ADAMTS17: variants seen among roughly 807,000 people sequenced by gnomAD.
The protein encoded by ADAMTS17 is ADAM metallopeptidase with thrombospondin type 1 motif 17.
Under a neutral mutation model 141.5 loss-of-function variants are expected in ADAMTS17, and 113 were observed. The observed-to-expected ratio is 0.80, with a 90% CI of 0.69 to 0.93. The LOEUF is 0.93. Ranked by LOEUF, ADAMTS17 falls within the 40% of genes least tolerant of loss-of-function variation. ADAMTS17 has a pLI of 0.00. For missense variants in ADAMTS17, 1,659 were observed against 1,517.9 expected (o/e 1.09, Z -1.54); for synonymous variants, 768 against 630.6 (o/e 1.22, Z -3.27).
chr15:100,037,373 T>G (rs1351166813), intron 18 of ADAMTS17, among the ~76,000 whole-genome samples: 1 of 152,214 alleles, frequency 6.6e-6, no homozygotes, highest in Non-Finnish European at 1.5e-5. Flanking sequence ...TGTCATCTTA[T>G]TATTGAGCTG....
chr15:100,079,001 A>C (rs1293894611), intron 15 of ADAMTS17, among the ~76,000 whole-genome samples: 1 of 152,254 alleles, frequency 6.6e-6, no homozygotes, highest in East Asian at 1.9e-4. Flanking sequence ...AGTGCAAACC[A>C]AAACCACAAG....
rs140587586 is a variant in ADAMTS17, at chr15:100,185,615, C to A, written c.1181+13703G>T. Among the ~76,000 whole-genome samples, 106 of 152,288 alleles carry A rather than the reference C, an allele frequency of 7.0e-4. 1 individual carries two copies. Among genetic ancestry groups the A allele is most frequent in the Non-Finnish European group, 1.0e-3 (70 of 68,030 alleles). ...TTCTAAAGAACTCTAATGTTAAGAA[C>A]CCTCTTCCACTAAGTTGCAACCTCT... is the stretch of plus-strand genomic sequence containing the variant. On this transcript the variant is annotated intron_variant, in intron 8 of 21. Coordinates refer to ENST00000268070, the MANE Select transcript of ADAMTS17 (RefSeq NM_139057.4).
intron 13 of ADAMTS17, 140 bp from the exon 14 acceptor site, chr15:100,109,256 C>A: frequency 9.7e-7 from 1 of 1,033,424 alleles, no homozygotes; most frequent in Non-Finnish European, 1.4e-6. Context: ...CTCAGGTACG[C>A]GCTCCAGGAA....
chr15:99,974,333 C>T lies in ADAMTS17; in HGVS notation c.*69G>A, dbSNP rs1339679814. 25 of 1,606,404 alleles carry T rather than the reference C, an allele frequency of 1.6e-5. No homozygotes were observed. Among genetic ancestry groups the T allele is most frequent in the Non-Finnish European group, 2.0e-5 (24 of 1,176,204 alleles). ...GCCGGGTGGGGGCGTGGCCACAAGG[C>T]TGGTAGGCTTGCGGGTGGGTGGGTT... On this transcript the variant is annotated 3_prime_UTR_variant, in exon 22 of 22. Transcript: ENST00000268070.
rs73484192 is a variant in ADAMTS17 at position 100,297,559 on chromosome 15, A to G, written c.617-16158T>C. ...TTTGGATAAAGAAGAGGCACCATCA[A>G]GGATAATTCCTCACTGACCTGGATG... On this transcript the variant is annotated intron_variant, in intron 3 of 21. Coordinates refer to ENST00000268070, the MANE Select transcript of ADAMTS17 (RefSeq NM_139057.4). 5.8e-3 allele frequency among the ~76,000 whole-genome samples: 887 copies of G among 152,338 alleles called. 8 individuals carry two copies. Among genetic ancestry groups the G allele is most frequent in the Middle Eastern group, 0.02 (6 of 294 alleles).
chr15:100,057,530 G>A (rs989562625), intron 15 of ADAMTS17, among the ~76,000 whole-genome samples: 1 of 152,134 alleles, frequency 6.6e-6, no homozygotes, highest in African/African-American at 2.4e-5. Flanking sequence ...CTGAGCTGGG[G>A]CCCCAGGCTC....
chr15:100,329,351 C>A (rs541022685), intron 3 of ADAMTS17, among the ~76,000 whole-genome samples: 2 of 152,160 alleles, frequency 1.3e-5, no homozygotes, highest in East Asian at 3.9e-4. Context: ...CCAGCCTGGG[C>A]AACACAGTGA....
intron 14 of ADAMTS17, among the ~76,000 whole-genome samples, chr15:100,108,617 G>C (rs2036552414): frequency 6.6e-6 from 1 of 152,226 alleles, no homozygotes. Context: ...ACCTGCACAG[G>C]CATTGGCTCA....
rs567494032 is a variant in ADAMTS17, at chr15:100,308,292, G to A, written c.616+22597C>T. Among the ~76,000 whole-genome samples the A allele has an allele frequency of 1.1e-4, 17 of 152,284 alleles. No homozygotes were observed. In the South Asian group the frequency reaches 3.5e-3, roughly 32 times the overall value. On this transcript the variant is annotated intron_variant, in intron 3 of 21. Coordinates refer to ENST00000268070, the MANE Select transcript of ADAMTS17 (RefSeq NM_139057.4). ...TGGCAGCCAGAAATTATGTTCAGTTGTCTGGAACACAGGCTGCTAGCGGCT... is the reference window on the plus strand; with the variant it reads ...TGGCAGCCAGAAATTATGTTCAGTTATCTGGAACACAGGCTGCTAGCGGCT...
intron 3 of ADAMTS17, among the ~76,000 whole-genome samples, chr15:100,315,172 C>T (rs1025978545): frequency 2.6e-5 from 4 of 152,286 alleles, no homozygotes; most frequent in South Asian, 2.1e-4. Flanking sequence ...AGGCAGGCAG[C>T]GTGGCAGGTG....
At chr15:100,221,608 G>A (rs1337197595) in intron 7 of ADAMTS17, among the ~76,000 whole-genome samples, 1 of 152,070 alleles carries the variant, frequency 6.6e-6, no homozygotes, top group Non-Finnish European at 1.5e-5. Context: ...TCTAAAATCA[G>A]CCATACGCCA....
At chr15:100,027,004 G>A (rs1221142270) in intron 18 of ADAMTS17, among the ~76,000 whole-genome samples, 3 of 152,242 alleles carry the variant, frequency 2.0e-5, no homozygotes, top group Non-Finnish European at 4.4e-5. Context: ...GGGTGTGTCA[G>A]TGGTATCACA....
intron 1 of ADAMTS17, 92 bp from the exon 2 acceptor site, chr15:100,341,501 C>G (rs1188193413): frequency 1.0e-6 from 1 of 990,170 alleles, no homozygotes; most frequent in Non-Finnish European, 1.2e-6. Flanking sequence ...GCGGGGACAG[C>G]GCGACCCGGA....
chr15:100,341,272 G>C lies in ADAMTS17; in HGVS notation c.217C>G (p.Arg73Gly). 2 of 1,256,528 alleles carry C rather than the reference G, an allele frequency of 1.6e-6. No individual in the cohort carries two copies. Among genetic ancestry groups the C allele is most frequent in the South Asian group, 4.9e-5 (2 of 41,070 alleles). 77.8% of individuals were successfully genotyped at this position (1,256,528 alleles called of 1,614,324 possible). A position where few individuals can be genotyped will look rare whatever the true frequency, so the allele number is the denominator to read the frequency against. The stretch of plus-strand genomic sequence containing the variant: ...AGGGCGCGCTCTCCGGGCCGGGCGC[G>C]CGGGGCGGCTGGGGGCGTGCGGGGG... Reference protein sequence around the residue: ...RRPRTPPAAPRARPGERALLL... With the variant: ...RRPRTPPAAPGARPGERALLL... Residue 73 changes from arginine (R) to glycine (G), a missense_variant, in exon 2 of 22, where the codon CGC becomes GGC. By Grantham distance (125) the Arg-to-Gly change is moderately radical. Coordinates refer to ENST00000268070, the MANE Select transcript of ADAMTS17 (RefSeq NM_139057.4).
intron 3 of ADAMTS17, among the ~76,000 whole-genome samples, chr15:100,299,653 C>A (rs2044957531): frequency 6.6e-6 from 1 of 152,174 alleles, no homozygotes; most frequent in African/African-American, 2.4e-5. Context: ...CCTGGAATCC[C>A]CCATCGGGAT....
chr15:99,991,195 T>C (rs866612446), intron 20 of ADAMTS17, among the ~76,000 whole-genome samples: 7 of 152,130 alleles, frequency 4.6e-5, no homozygotes, highest in African/African-American at 1.4e-4. Flanking sequence ...CTAAAGAGCT[T>C]CTGCACAGCA....
intron 15 of ADAMTS17, among the ~76,000 whole-genome samples, chr15:100,079,341 C>T (rs554692029): frequency 2.6e-5 from 4 of 152,194 alleles, no homozygotes; most frequent in Non-Finnish European, 5.9e-5. Flanking sequence ...AATGTGATAT[C>T]TCCAAACAAT....
chr15:100,285,279 C>T (rs1183952637), intron 3 of ADAMTS17, among the ~76,000 whole-genome samples: 1 of 152,170 alleles, frequency 6.6e-6, no homozygotes, highest in Non-Finnish European at 1.5e-5. Flanking sequence ...CTTCAAATTA[C>T]AATTTACTCT....
At chr15:100,270,548 A>G (rs2043869579) in intron 4 of ADAMTS17, among the ~76,000 whole-genome samples, 1 of 151,954 alleles carries the variant, frequency 6.6e-6, no homozygotes, top group Admixed American at 6.6e-5. Context: ...TCAGCACTGA[A>G]TCCTTCGCAA....
Sources: allele counts gnomAD v4.1 joint callset (sites outside exome capture counted in the v4.1 genomes callset), GRCh38; gene constraint gnomAD v4.1.1; transcripts MANE v1.5; gene names NCBI Gene and HGNC (gene_info 2026-07-23, HGNC 2026-07-21).